Variants in RASGRF2 observed in about 807,000 individuals in gnomAD.
RASGRF2 encodes Ras protein specific guanine nucleotide releasing factor 2, also known as ras-specific guanine nucleotide-releasing factor 2.
In RASGRF2, 76 loss-of-function variants were observed where a neutral mutation model predicts 151.0. The ratio of observed to expected loss-of-function variants is 0.50; its 90% CI spans 0.42 to 0.61. The LOEUF (loss-of-function observed/expected upper bound fraction) is 0.61, where lower values mean the gene tolerates loss of function less well. RASGRF2 is among the 20% of genes least tolerant of loss of function. The pLI, the probability that RASGRF2 is intolerant of heterozygous loss-of-function variation, is 0.00. For synonymous variants in RASGRF2, 504 were observed against 566.5 expected (o/e 0.89, Z 1.57); for missense variants, 1,148 against 1,564.6 (o/e 0.73, Z 4.49).
chr5:80,984,135 A>T (rs1047411252), intron 1 of RASGRF2, among the ~76,000 whole-genome samples: 1 of 152,108 alleles, frequency 6.6e-6, no homozygotes, highest in Non-Finnish European at 1.5e-5. Flanking sequence ...ACCTTGGCTC[A>T]CTGCAACCTC....
intron 17 of RASGRF2, among the ~76,000 whole-genome samples, chr5:81,149,533 A>G (rs248991): frequency 0.38 from 57,566 of 151,732 alleles, 11,982 homozygotes; most frequent in East Asian, 0.74. Flanking sequence ...ATTGTACACT[A>G]CTTGGTGATG....
At chr5:81,154,632 A>T (rs1188242304) in intron 17 of RASGRF2, among the ~76,000 whole-genome samples, 2 of 152,262 alleles carry the variant, frequency 1.3e-5, no homozygotes, top group Admixed American at 6.5e-5. Flanking sequence ...TGAAATTATG[A>T]AAGGTATGTT....
chr5:81,005,908 G>A (rs914326261), intron 1 of RASGRF2, among the ~76,000 whole-genome samples: 13 of 152,130 alleles, frequency 8.5e-5, no homozygotes, highest in African/African-American at 3.1e-4. Flanking sequence ...GTCAGCGCCT[G>A]ACTGGCCATG....
At chr5:81,111,788 C>T (rs1176572143) in intron 13 of RASGRF2, among the ~76,000 whole-genome samples, 1 of 151,974 alleles carries the variant, frequency 6.6e-6, no homozygotes. Flanking sequence ...ATACCTAACC[C>T]TATATCCATC....
chr5:81,017,654 T>A (rs901294338), intron 1 of RASGRF2, among the ~76,000 whole-genome samples: 1 of 152,204 alleles, frequency 6.6e-6, no homozygotes, highest in Non-Finnish European at 1.5e-5. Flanking sequence ...ACTCTATAAA[T>A]GAGTTGGAAA....
intron 17 of RASGRF2, among the ~76,000 whole-genome samples, chr5:81,137,836 A>G (rs1269483029): frequency 6.6e-6 from 1 of 152,232 alleles, no homozygotes; most frequent in Admixed American, 6.5e-5. Flanking sequence ...TGAACAAATT[A>G]CTAAAGTCTC....
At chr5:81,050,889 T>C (rs1168564562) in intron 2 of RASGRF2, among the ~76,000 whole-genome samples, 1 of 152,186 alleles carries the variant, frequency 6.6e-6, no homozygotes, top group African/African-American at 2.4e-5. Flanking sequence ...CAGTGCCAAA[T>C]TGCTTTTCAG....
chr5:81,175,783 A>G lies in RASGRF2; in HGVS notation c.2687-4392A>G, dbSNP rs183865187. ...AAAAAAAAAAAAAAAAAGGAAAAAGAAAAATATCTACTGGGCAAAGCAAAG... is the reference window on the plus strand; with the variant it reads ...AAAAAAAAAAAAAAAAAGGAAAAAGGAAAATATCTACTGGGCAAAGCAAAG... On this transcript the variant is annotated intron_variant, in intron 17 of 26. Coordinates refer to ENST00000265080, the MANE Select transcript of RASGRF2 (RefSeq NM_006909.3). Among the ~76,000 whole-genome samples, 690 of 152,010 alleles carry G rather than the reference A, an allele frequency of 4.5e-3. 2 individuals are homozygous for G. The highest frequency in any genetic ancestry group is 5.4e-3 in the Non-Finnish European group (367 of 67,956).
chr5:81,030,814 T>G (rs1380098982), intron 1 of RASGRF2, among the ~76,000 whole-genome samples: 2 of 152,190 alleles, frequency 1.3e-5, no homozygotes, highest in Non-Finnish European at 2.9e-5. Context: ...TCACCTTAAA[T>G]GTAAATGGGC....
At chr5:81,218,819 C>T (rs1182486332) in intron 25 of RASGRF2, among the ~76,000 whole-genome samples, 1 of 152,148 alleles carries the variant, frequency 6.6e-6, no homozygotes, top group African/African-American at 2.4e-5. Flanking sequence ...ACTGATTCTA[C>T]CCATCCATGA....
intron 17 of RASGRF2, among the ~76,000 whole-genome samples, chr5:81,176,841 G>A (rs1754785805): frequency 6.6e-6 from 1 of 152,078 alleles, no homozygotes; most frequent in Non-Finnish European, 1.5e-5. Context: ...ATCTCTTCTT[G>A]AGGAGAATGT....
At chr5:80,979,974 G>A (rs1183417595) in intron 1 of RASGRF2, among the ~76,000 whole-genome samples, 3 of 152,174 alleles carry the variant, frequency 2.0e-5, no homozygotes, top group Admixed American at 1.3e-4. Context: ...TCAAGATGCT[G>A]TTGCTGATTC....
In RASGRF2 at chr5:81,180,220, G is replaced by A. The variant is rs781157069; in HGVS notation, c.2732G>A (p.Arg911Gln). The change falls in exon 18 of 27, where the codon CGG becomes CAG. Residue 911 changes from arginine (R) to glutamine (Q), a missense_variant. By Grantham distance (43) the Arg-to-Gln change is conservative. This residue lies in a region of RASGRF2 where 646 missense variants were observed against 807.4 expected (regional missense o/e 0.80). Transcript: ENST00000265080. ...ACATGTGATAAAGAGTTTATTATAC[G>A]GAGAACGGCTACCAATCGAGTTCTG... ...ERTCDKEFIIRRTATNRVLNV... is the reference protein window; with the variant it reads ...ERTCDKEFIIQRTATNRVLNV... 5 of 1,612,548 alleles carry A rather than the reference G, an allele frequency of 3.1e-6. No homozygotes were observed. The highest frequency in any genetic ancestry group is 4.2e-6 in the Non-Finnish European group (5 of 1,179,056).
chr5:81,166,529 A>C lies in RASGRF2; in HGVS notation c.2687-13646A>C, dbSNP rs549373427. On this transcript the variant is annotated intron_variant, in intron 17 of 26. Transcript: ENST00000265080. Reference sequence around the variant, plus strand: ...CTGACAAAAGCCCTTGTCTGCTTACAGATACTCCAAGGATACCTAAGATAA... The same window carrying C: ...CTGACAAAAGCCCTTGTCTGCTTACCGATACTCCAAGGATACCTAAGATAA... 6.4e-4 allele frequency among the ~76,000 whole-genome samples: 97 copies of C among 152,296 alleles called. 1 individual carries two copies. The highest frequency in any genetic ancestry group is 2.5e-4 in the Non-Finnish European group (17 of 68,020).
chr5:81,095,160 G>A (rs1335959674), intron 12 of RASGRF2, among the ~76,000 whole-genome samples, 168 bp downstream of exon 12: 1 of 152,102 alleles, frequency 6.6e-6, no homozygotes, highest in African/African-American at 2.4e-5. Context: ...TATCATTTTT[G>A]TTGTTGTTGT....
rs113657222 is a variant in RASGRF2 at position 80,972,524 on chromosome 5, G to A, written c.288+11498G>A. Among the ~76,000 whole-genome samples, 1,397 of 152,058 alleles carry A rather than the reference G, an allele frequency of 9.2e-3. 36 individuals carry two copies. Among genetic ancestry groups the A allele is most frequent in the African/African-American group, 0.032 (1,322 of 41,444 alleles). On this transcript the variant is annotated intron_variant, in intron 1 of 26. Transcript: ENST00000265080. ...AGCCAGAGTCTTGCTCTGTCACCCAGGCTGGAGTGCAGTGGTATGAGCTCA... is the reference window on the plus strand; with the variant it reads ...AGCCAGAGTCTTGCTCTGTCACCCAAGCTGGAGTGCAGTGGTATGAGCTCA...
Position 81,166,627 on chromosome 5 carries a change from C to T in RASGRF2, c.2687-13548C>T, listed in dbSNP as rs77427375. Reference sequence around the variant, plus strand: ...TTGAGGAAAGGCCTCTGTGCACAGACGGGAGGGATTTATGGATACTGAAGG... The same window carrying T: ...TTGAGGAAAGGCCTCTGTGCACAGATGGGAGGGATTTATGGATACTGAAGG... On this transcript the variant is annotated intron_variant, in intron 17 of 26. Transcript: ENST00000265080. Among the ~76,000 whole-genome samples, 1,321 of 149,358 alleles carry T rather than the reference C, an allele frequency of 8.8e-3. 14 individuals carry two copies. Among genetic ancestry groups the T allele is most frequent in the Middle Eastern group, 0.027 (8 of 294 alleles).
intron 19 of RASGRF2, among the ~76,000 whole-genome samples, chr5:81,205,559 AG>A (rs1033118878): frequency 6.6e-6 from 1 of 152,134 alleles, no homozygotes; most frequent in Admixed American, 6.6e-5. Flanking sequence ...TATGTTTTTG[AG>A]GGTTGTGGCT....
At chr5:81,111,477 A>G (rs1752991463) in intron 13 of RASGRF2, among the ~76,000 whole-genome samples, 1 of 152,230 alleles carries the variant, frequency 6.6e-6, no homozygotes. Flanking sequence ...TCTTACACCC[A>G]TTACTTTTTT....
Sources: allele counts gnomAD v4.1 joint callset (sites outside exome capture counted in the v4.1 genomes callset), GRCh38; gene constraint gnomAD v4.1.1; regional missense constraint gnomAD v4.1.1; transcripts MANE v1.5; gene names NCBI Gene and HGNC (gene_info 2026-07-23, HGNC 2026-07-21).